Variants in CTNNA3 observed in about 807,000 individuals in gnomAD.
CTNNA3 encodes the protein catenin alpha 3, also known as catenin alpha-3.
In CTNNA3, 76 loss-of-function variants were observed where a neutral mutation model predicts 95.7. The ratio of observed to expected loss-of-function variants is 0.79; its 90% CI spans 0.66 to 0.96. The LOEUF (loss-of-function observed/expected upper bound fraction) is 0.96, where lower values mean the gene tolerates loss of function less well. CTNNA3 is among the 40% of genes least tolerant of loss of function. The pLI, the probability that CTNNA3 is intolerant of heterozygous loss-of-function variation, is 0.00. For synonymous variants in CTNNA3, 431 were observed against 374.4 expected, an observed-to-expected ratio of 1.15 and a Z score of -1.74; for missense variants, 1,191 against 1,089.8, an observed-to-expected ratio of 1.09 and a Z score of -1.31.
chr10:66,036,771 T>TACA (rs2079571221), intron 15 of CTNNA3, among the ~76,000 whole-genome samples: 1 of 152,144 alleles, frequency 6.6e-6, no homozygotes, highest in Admixed American at 6.5e-5. Flanking sequence ...AAGTTGAATT[T>TACA]ACTTAGCAGT....
chr10:66,950,831 G>C (rs1198079957), intron 7 of CTNNA3, among the ~76,000 whole-genome samples: 3 of 152,134 alleles, frequency 2.0e-5, no homozygotes, highest in African/African-American at 7.2e-5. Flanking sequence ...AGAGATTTTA[G>C]AGGCTTCGCA....
At chr10:67,231,511 A>G (rs1865208935) in intron 5 of CTNNA3, among the ~76,000 whole-genome samples, 1 of 152,210 alleles carries the variant, frequency 6.6e-6, no homozygotes, top group Non-Finnish European at 1.5e-5. Flanking sequence ...CATCCACACC[A>G]AAAACCCATC....
chr10:67,686,259 T>TG (rs1245587726), intron 1 of CTNNA3, among the ~76,000 whole-genome samples: 1 of 152,234 alleles, frequency 6.6e-6, no homozygotes, highest in Non-Finnish European at 1.5e-5. Flanking sequence ...TGCTGGTCCC[T>TG]GGGGGAAGAG....
chr10:66,119,746 AT>A (rs34159475), intron 13 of CTNNA3, among the ~76,000 whole-genome samples: 9,569 of 151,914 alleles, frequency 0.063, 381 homozygotes, highest in Non-Finnish European at 0.096. Context: ...TATTCAATCA[AT>A]TTTTTTTATT....
chr10:67,092,926 C>A (rs922624824), intron 7 of CTNNA3, among the ~76,000 whole-genome samples: 7 of 151,954 alleles, frequency 4.6e-5, no homozygotes, highest in Non-Finnish European at 8.8e-5. Flanking sequence ...CTCATTATTA[C>A]AATAGCATAT....
At chr10:66,807,205 T>A (rs1841688901) in intron 7 of CTNNA3, among the ~76,000 whole-genome samples, 1 of 152,078 alleles carries the variant, frequency 6.6e-6, no homozygotes, top group Non-Finnish European at 1.5e-5. Flanking sequence ...TTAACTGTTG[T>A]ACCTGGAGCT....
chr10:66,945,420 C>A (rs1212195584), intron 7 of CTNNA3, among the ~76,000 whole-genome samples: 1 of 152,196 alleles, frequency 6.6e-6, no homozygotes, highest in African/African-American at 2.4e-5. Context: ...TTCCTCCCTT[C>A]TTTCAGCCTT....
At chr10:66,793,929 C>T (rs1334003997) in intron 7 of CTNNA3, among the ~76,000 whole-genome samples, 1 of 152,048 alleles carries the variant, frequency 6.6e-6, no homozygotes, top group Non-Finnish European at 1.5e-5. Context: ...TTCTCATTAG[C>T]TATTAGTCAC....
chr10:67,438,601 A>AATAT (rs774000700), intron 5 of CTNNA3, among the ~76,000 whole-genome samples: 47 of 152,326 alleles, frequency 3.1e-4, no homozygotes, highest in Middle Eastern at 3.4e-3. Context: ...AAGCAATCAC[A>AATAT]GCACCTGGTT....
intron 9 of CTNNA3, among the ~76,000 whole-genome samples, chr10:66,690,700 A>C (rs1847493025): frequency 6.6e-6 from 1 of 151,592 alleles, no homozygotes. Context: ...TATGTGCCAC[A>C]TTTTCTTAAT....
intron 11 of CTNNA3, among the ~76,000 whole-genome samples, chr10:66,514,632 T>A (rs929579594): frequency 6.6e-6 from 1 of 152,152 alleles, no homozygotes; most frequent in African/African-American, 2.4e-5. Context: ...AAGTAATCTC[T>A]TCCACTACCT....
chr10:66,888,411 G>C (rs532334937), intron 7 of CTNNA3, among the ~76,000 whole-genome samples: 8 of 152,058 alleles, frequency 5.3e-5, no homozygotes, highest in African/African-American at 1.9e-4. Flanking sequence ...CTGACATACC[G>C]AACTATGAGA....
intron 3 of CTNNA3, among the ~76,000 whole-genome samples, chr10:67,547,949 A>G (rs1489967103): frequency 1.3e-5 from 2 of 152,162 alleles, no homozygotes; most frequent in East Asian, 3.9e-4. Context: ...AGATAGCAAT[A>G]CTCCCCATAT....
chr10:66,419,966 C>G (rs2093178147), intron 11 of CTNNA3, among the ~76,000 whole-genome samples: 1 of 152,094 alleles, frequency 6.6e-6, no homozygotes, highest in South Asian at 2.1e-4. Context: ...GCACTTCCAA[C>G]AGTCGTCTAG....
Position 67,675,016 on chromosome 10 carries a change from GTAGA to G in CTNNA3, c.-6+20980_-6+20983del, listed in dbSNP as rs753989199. 5.3e-5 allele frequency among the ~76,000 whole-genome samples: 8 copies of G among 152,070 alleles called. No individual in the cohort carries two copies. In the South Asian group the frequency reaches 6.2e-4, roughly 12 times the overall value. ...ACATTAATATCTACCAATTTAATGAGTAGATAAAGTATCCCATTGTTGTTTTAAT... is the reference window on the plus strand; with the variant it reads ...ACATTAATATCTACCAATTTAATGAGTAAAGTATCCCATTGTTGTTTTAAT... On this transcript the variant is annotated intron_variant, in intron 1 of 17. Transcript: ENST00000433211.
At chr10:67,442,902 G>A (rs964005405) in intron 5 of CTNNA3, among the ~76,000 whole-genome samples, 1 of 149,442 alleles carries the variant, frequency 6.7e-6, no homozygotes, top group African/African-American at 2.5e-5. Flanking sequence ...CCATTAACTT[G>A]TCATTTAGCA....
At chr10:67,041,906 C>T (rs371672037) in intron 7 of CTNNA3, among the ~76,000 whole-genome samples, 1 of 152,088 alleles carries the variant, frequency 6.6e-6, no homozygotes, top group South Asian at 2.1e-4. Flanking sequence ...GGATCACATT[C>T]ATAAAAGCAA....
At chr10:67,556,293 G>C (rs1841249012) in intron 3 of CTNNA3, among the ~76,000 whole-genome samples, 1 of 152,062 alleles carries the variant, frequency 6.6e-6, no homozygotes, top group Non-Finnish European at 1.5e-5. Flanking sequence ...AGGATTCCCT[G>C]TTTTTCCATA....
intron 10 of CTNNA3, among the ~76,000 whole-genome samples, chr10:66,618,891 G>A (rs1299500178): frequency 2.6e-5 from 4 of 152,126 alleles, no homozygotes; most frequent in Non-Finnish European, 5.9e-5. Context: ...CCATCAAAAA[G>A]TGGGCGAAGG....
Sources: allele counts gnomAD v4.1 joint callset (sites outside exome capture counted in the v4.1 genomes callset), GRCh38; gene constraint gnomAD v4.1.1; transcripts MANE v1.5; gene names NCBI Gene and HGNC (gene_info 2026-07-23, HGNC 2026-07-21).